Variants in RBFOX1 observed in about 807,000 individuals in gnomAD.
RBFOX1 encodes RNA binding protein fox-1 homolog 1.
A neutral mutation model predicts 57.7 loss-of-function variants in RBFOX1; 8 were observed. The observed-to-expected ratio is 0.14, with a 90% confidence interval of 0.08 to 0.25. RBFOX1 has a LOEUF of 0.25. Among genes scored for constraint, RBFOX1 ranks in the 10% least tolerant of loss-of-function variants. RBFOX1 has a pLI of 1.00. For missense variants in RBFOX1, 611 were observed against 548.5 expected (o/e 1.11, Z -1.14); for synonymous variants, 326 against 222.4 (o/e 1.47, Z -4.15).
chr16:7,212,497 A>C (rs1270176497), intron 4 of RBFOX1, among the ~76,000 whole-genome samples: 2 of 152,118 alleles, frequency 1.3e-5, no homozygotes, highest in Non-Finnish European at 2.9e-5. Flanking sequence ...AATCAGGTAC[A>C]CCCTAGAGTG....
At chr16:7,243,463 A>T (rs1439356141) in intron 4 of RBFOX1, among the ~76,000 whole-genome samples, 1 of 152,224 alleles carries the variant, frequency 6.6e-6, no homozygotes, top group African/African-American at 2.4e-5. Context: ...TTGTAGGTGA[A>T]GAAACTGAGG....
intron 4 of RBFOX1, among the ~76,000 whole-genome samples, chr16:7,409,398 C>G (rs1447312364): frequency 6.6e-6 from 1 of 152,196 alleles, no homozygotes; most frequent in Non-Finnish European, 1.5e-5. Flanking sequence ...CAGAATATAA[C>G]ACAAGTATTT....
intron 3 of RBFOX1, among the ~76,000 whole-genome samples, chr16:6,655,212 A>G (rs967019765): frequency 6.6e-6 from 1 of 151,384 alleles, no homozygotes; most frequent in Non-Finnish European, 1.5e-5. Context: ...CGTATCTACT[A>G]AAAATAGAAA....
At chr16:5,288,820 A>G (rs1254947823) in intron 1 of RBFOX1, among the ~76,000 whole-genome samples, 1 of 152,040 alleles carries the variant, frequency 6.6e-6, no homozygotes, top group African/African-American at 2.4e-5. Context: ...TGGTGAAGGG[A>G]GCAGGTAACC....
chr16:5,946,524 C>T lies in RBFOX1; in HGVS notation c.351+79189C>T, dbSNP rs74006517. 2.4e-4 allele frequency among the ~76,000 whole-genome samples: 37 copies of T among 151,554 alleles called. No homozygotes were observed. Among genetic ancestry groups the T allele is most frequent in the South Asian group, 8.4e-4 (4 of 4,734 alleles). ...GCCTGGAGAGGACATGGAAGTTCTA[C>T]GCCCTTCCCCGTATCTCACTCTATG... On this transcript the variant is annotated intron_variant, in intron 4 of 19. Transcript: ENST00000641259. The surrounding 1 kb of genome is among the most constrained non-coding windows in gnomAD (Gnocchi z 4.6).
At chr16:7,203,912 C>G (rs561473683) in intron 4 of RBFOX1, among the ~76,000 whole-genome samples, 1 of 152,226 alleles carries the variant, frequency 6.6e-6, no homozygotes, top group Non-Finnish European at 1.5e-5. Flanking sequence ...TCAAGAAGGA[C>G]AGGTGCACAT....
chr16:6,878,283 A>G (rs1429245282), intron 3 of RBFOX1, among the ~76,000 whole-genome samples: 2 of 152,238 alleles, frequency 1.3e-5, no homozygotes, highest in African/African-American at 2.4e-5. Context: ...AGGCCATGAG[A>G]GCAGTTCTGG....
intron 4 of RBFOX1, among the ~76,000 whole-genome samples, chr16:5,944,632 C>G (rs1338513686): frequency 6.6e-6 from 1 of 151,244 alleles, no homozygotes; most frequent in Non-Finnish European, 1.5e-5. Context: ...CTGTCCCCGC[C>G]ATTGTCACCT....
intron 2 of RBFOX1, among the ~76,000 whole-genome samples, chr16:6,379,015 G>C (rs1012587766): frequency 2.6e-5 from 4 of 152,134 alleles, no homozygotes; most frequent in Non-Finnish European, 5.9e-5. Context: ...CTCTTCACGT[G>C]GGAGGTGAGG....
At chr16:6,711,229 C>T (rs368560628) in intron 3 of RBFOX1, among the ~76,000 whole-genome samples, 3 of 152,220 alleles carry the variant, frequency 2.0e-5, no homozygotes, top group African/African-American at 7.2e-5. Context: ...CCTGGATTAT[C>T]GCATCCTCCT....
Position 5,811,143 on chromosome 16 carries a change from ATTTTT to A in RBFOX1, c.319-56141_319-56137del, listed in dbSNP as rs374827330. Among the ~76,000 whole-genome samples the A allele has an allele frequency of 3.8e-3, 400 of 104,572 alleles. 3 individuals are homozygous for A. Among genetic ancestry groups the A allele is most frequent in the African/African-American group, 0.014 (368 of 25,420 alleles). 68.6% of individuals were successfully genotyped at this position (104,572 alleles called of 152,430 possible). On this transcript the variant is annotated intron_variant, in intron 3 of 19. Transcript: ENST00000641259. ...ATATAAATGAAATCTTATGGAACAA[ATTTTT>A]TTTTTTTTTTTTTTTTTTGAGATGG...
rs1567304150 is a variant in RBFOX1, at chr16:6,450,855, A to ATG, written c.-64+133799_-64+133800insGT. ...TATATATGTGTATATATATATATAT[A>ATG]TATATATATATATATATATCTCCTC... On this transcript the variant is annotated intron_variant, in intron 2 of 15. Coordinates refer to ENST00000550418, the MANE Select transcript of RBFOX1 (RefSeq NM_018723.4). Among the ~76,000 whole-genome samples the ATG allele has an allele frequency of 2.0e-3, 94 of 46,882 alleles. 17 individuals are homozygous for ATG. In the East Asian group the frequency reaches 0.022, roughly 11 times the overall value. 30.8% of individuals were successfully genotyped at this position (46,882 alleles called of 152,430 possible).
intron 3 of RBFOX1, among the ~76,000 whole-genome samples, chr16:6,676,917 C>G (rs1469523514): frequency 1.3e-5 from 2 of 152,002 alleles, no homozygotes; most frequent in Non-Finnish European, 2.9e-5. Flanking sequence ...CTCAGGTGAT[C>G]TGCCCACCTC....
chr16:7,003,349 A>T (rs1438217269), intron 3 of RBFOX1, among the ~76,000 whole-genome samples: 2 of 151,882 alleles, frequency 1.3e-5, no homozygotes, highest in Non-Finnish European at 2.9e-5. Flanking sequence ...AGTCCCAGCT[A>T]CTCAGGAGGC....
chr16:7,396,657 G>A (rs767530408), intron 4 of RBFOX1, among the ~76,000 whole-genome samples: 1 of 152,188 alleles, frequency 6.6e-6, no homozygotes, highest in Non-Finnish European at 1.5e-5. Flanking sequence ...CACAGCAGGT[G>A]GGCTGAGAGT....
At chr16:7,208,529 A>T (rs1364920989) in intron 4 of RBFOX1, among the ~76,000 whole-genome samples, 1 of 152,132 alleles carries the variant, frequency 6.6e-6, no homozygotes, top group Non-Finnish European at 1.5e-5. Context: ...GGGAGGAGCC[A>T]GGCTCTTTTT....
intron 2 of RBFOX1, among the ~76,000 whole-genome samples, chr16:6,435,478 T>G (rs2094208533): frequency 6.6e-6 from 1 of 152,082 alleles, no homozygotes; most frequent in Admixed American, 6.5e-5. Flanking sequence ...TTTGTATTTC[T>G]TTTTCATTAG....
chr16:6,925,989 G>A (rs553053831), intron 3 of RBFOX1, among the ~76,000 whole-genome samples: 8 of 151,904 alleles, frequency 5.3e-5, no homozygotes, highest in African/African-American at 7.3e-5. Context: ...CATGTCAACC[G>A]TCAGATCTCT....
intron 1 of RBFOX1, among the ~76,000 whole-genome samples, chr16:6,300,262 C>G (rs972230256): frequency 1.3e-5 from 2 of 152,000 alleles, no homozygotes; most frequent in African/African-American, 4.8e-5. Flanking sequence ...TTCAAGAGAC[C>G]TATGGTACAA....
Sources: gnomAD v4.1 joint callset for allele counts (sites outside exome capture counted in the v4.1 genomes callset) on GRCh38, gnomAD v4.1.1 for gene constraint, Gnocchi (gnomAD v3.1) non-coding constraint, MANE v1.5 for transcripts, NCBI Gene and HGNC (gene_info 2026-07-23, HGNC 2026-07-21) for gene names.